BCAS3: variants seen among roughly 807,000 people sequenced by gnomAD.
The protein encoded by BCAS3 is BCAS4/BCAS3 fusion.
BCAS3 carries 53 observed loss-of-function variants against 116.1 expected under a neutral mutation model. The ratio of observed to expected loss-of-function variants is 0.46; its 90% CI spans 0.37 to 0.57. BCAS3 has a LOEUF of 0.57. Among genes scored for constraint, BCAS3 ranks in the 20% least tolerant of loss-of-function variants. The pLI, the probability that BCAS3 is intolerant of heterozygous loss-of-function variation, is 0.00. For synonymous variants in BCAS3, 391 were observed against 408.2 expected (o/e 0.96, Z 0.51); for missense variants, 917 against 1,165.4 (o/e 0.79, Z 3.10).
intron 7 of BCAS3, among the ~76,000 whole-genome samples, chr17:60,820,500 T>C (rs2049862861): frequency 6.6e-6 from 1 of 152,262 alleles, no homozygotes; most frequent in East Asian, 1.9e-4. Context: ...GAGAATGCAG[T>C]GTGTATTTGG....
chr17:60,921,421 G>A (rs554040614), intron 12 of BCAS3, among the ~76,000 whole-genome samples: 2 of 151,948 alleles, frequency 1.3e-5, no homozygotes, highest in African/African-American at 2.4e-5. Flanking sequence ...AGACCATCCC[G>A]GCTAAAACGG....
At chr17:61,107,776 C>T (rs562468134) in intron 22 of BCAS3, among the ~76,000 whole-genome samples, 1 of 152,246 alleles carries the variant, frequency 6.6e-6, no homozygotes, top group Admixed American at 6.5e-5. Context: ...AACATTTTGG[C>T]TGTTTCCAGG....
intron 22 of BCAS3, among the ~76,000 whole-genome samples, chr17:61,100,085 A>G (rs570236649): frequency 6.6e-6 from 1 of 152,344 alleles, no homozygotes; most frequent in South Asian, 2.1e-4. Context: ...GAAAGGCAAC[A>G]GTTATTATAT....
In BCAS3 at chr17:61,015,749, A is replaced by G; in HGVS notation, c.1487-2A>G. 6.2e-7 allele frequency: 1 copy of G among 1,613,740 alleles called. No individual in the cohort carries two copies. Among genetic ancestry groups the G allele is most frequent in the Non-Finnish European group, 8.5e-7 (1 of 1,179,776 alleles). On this transcript the variant is annotated splice_acceptor_variant, in intron 15 of 23. Coordinates refer to ENST00000407086, the MANE Select transcript of BCAS3 (RefSeq NM_017679.5). LOFTEE classifies it high-confidence loss of function. ...TGCTTTTCTTTATTTTTCTCTTTGT[A>G]GGGAAACTGAACAGCCAAGACTCCT...
At chr17:61,190,382 C>T (rs1399541914) in intron 22 of BCAS3, among the ~76,000 whole-genome samples, 1 of 151,650 alleles carries the variant, frequency 6.6e-6, no homozygotes, top group Non-Finnish European at 1.5e-5. Flanking sequence ...AAACAATTAG[C>T]TGGGCGCAGT....
chr17:61,020,733 T>C lies in BCAS3; in HGVS notation c.1637+4832T>C, dbSNP rs1358279484. Among the ~76,000 whole-genome samples, 1 of 152,176 alleles carries C rather than the reference T, an allele frequency of 6.6e-6. No homozygotes were observed. The highest frequency in any genetic ancestry group is 1.5e-5 in the Non-Finnish European group (1 of 68,026). On this transcript the variant is annotated intron_variant, in intron 16 of 23. Coordinates refer to ENST00000407086, the MANE Select transcript of BCAS3 (RefSeq NM_017679.5). This position sits in a 1 kb window ranked among gnomAD's most constrained non-coding sequence, Gnocchi z 4.5. ...TGAGTGATCAAGTTTTAAAAAATAT[T>C]TTCTATGTAACAATTCACAAAAAAA... is the stretch of plus-strand genomic sequence containing the variant.
chr17:60,703,844 G>C (rs2036748402), intron 4 of BCAS3, among the ~76,000 whole-genome samples: 1 of 151,450 alleles, frequency 6.6e-6, no homozygotes, highest in South Asian at 2.1e-4. Flanking sequence ...AACCCGAGAG[G>C]CGGAGCTTGT....
rs78859741 is a variant in BCAS3, at chr17:61,251,616, G to C, written c.2426-116711G>C. On this transcript the variant is annotated intron_variant, in intron 22 of 23. Transcript: ENST00000407086. This position sits in a 1 kb window ranked among gnomAD's most constrained non-coding sequence, Gnocchi z 4.7. Reference sequence around the variant, plus strand: ...AAAGACTGGATCCTGGTCCATCCAAGATGCTGCCCTTGAGACCTCTGGGTT... The same window carrying C: ...AAAGACTGGATCCTGGTCCATCCAACATGCTGCCCTTGAGACCTCTGGGTT... Among the ~76,000 whole-genome samples, 5,510 of 151,732 alleles carry C rather than the reference G, an allele frequency of 0.036. 319 individuals carry two copies. The highest frequency in any genetic ancestry group is 0.12 in the African/African-American group (5,168 of 41,346).
Position 61,037,838 on chromosome 17 carries a change from T to A in BCAS3, c.1763-51T>A, listed in dbSNP as rs754842072. ...TCATTAACTTGTAAAAATTATTCTG[T>A]GCTCCATTTATGCCATCATAACACA... On this transcript the variant is annotated intron_variant, in intron 17 of 23. Transcript: ENST00000407086. The surrounding 1 kb of genome is among the most constrained non-coding windows in gnomAD (Gnocchi z 4.7). 6.6e-7 allele frequency: 1 copy of A among 1,513,480 alleles called. No homozygotes were observed. The highest frequency in any genetic ancestry group is 1.8e-5 in the Admixed American group (1 of 56,662). 93.8% of individuals were successfully genotyped at this position (1,513,480 alleles called of 1,614,324 possible).
chr17:60,756,657 C>A (rs1042966057), intron 6 of BCAS3, among the ~76,000 whole-genome samples: 1 of 152,070 alleles, frequency 6.6e-6, no homozygotes, highest in Non-Finnish European at 1.5e-5. Context: ...ACCACATTTT[C>A]TTTATTTATT....
At chr17:60,683,184 C>T (rs2143807368) in intron 2 of BCAS3, among the ~76,000 whole-genome samples, 1 of 152,176 alleles carries the variant, frequency 6.6e-6, no homozygotes, top group South Asian at 2.1e-4. Flanking sequence ...GTAGACTGAC[C>T]TGCTATATAC....
In BCAS3 at chr17:60,863,425, T is replaced by A. The variant is rs561315189; in HGVS notation, c.477-5151T>A. Among the ~76,000 whole-genome samples the A allele has an allele frequency of 3.3e-5, 5 of 152,182 alleles. No individual in the cohort carries two copies. The East Asian group carries it at 9.7e-4, about 29-fold the overall frequency. On this transcript the variant is annotated intron_variant, in intron 7 of 23. Transcript: ENST00000407086. ...AAATTCCATAATAAAGCAAGTCCCGTTAATTTTTTGGTTTCCCAGTGCATA... is the reference window on the plus strand; with the variant it reads ...AAATTCCATAATAAAGCAAGTCCCGATAATTTTTTGGTTTCCCAGTGCATA...
chr17:61,294,392 T>C (rs2052705605), intron 22 of BCAS3, among the ~76,000 whole-genome samples: 1 of 152,160 alleles, frequency 6.6e-6, no homozygotes, highest in East Asian at 1.9e-4. Flanking sequence ...TCTTTAAACA[T>C]TTGATTTGAT....
intron 22 of BCAS3, among the ~76,000 whole-genome samples, chr17:61,242,047 C>T (rs1366982037): frequency 1.3e-5 from 2 of 152,076 alleles, no homozygotes; most frequent in African/African-American, 4.8e-5. Context: ...GAGGCCGAGG[C>T]GGGCAGATCA....
At chr17:60,678,648 T>G (rs2032429836) in intron 1 of BCAS3, among the ~76,000 whole-genome samples, 3 of 152,158 alleles carry the variant, frequency 2.0e-5, no homozygotes, top group Admixed American at 6.5e-5. Context: ...CTTGACTTAT[T>G]TGTTATAGTA....
rs1024463929 is a variant in BCAS3, at chr17:61,241,438, G to A, written c.2426-126889G>A. 3.3e-5 allele frequency among the ~76,000 whole-genome samples: 5 copies of A among 151,982 alleles called. No individual in the cohort carries two copies. Among genetic ancestry groups the A allele is most frequent in the East Asian group, 1.9e-4 (1 of 5,186 alleles). On this transcript the variant is annotated intron_variant, in intron 22 of 23. Transcript: ENST00000407086. This position sits in a 1 kb window ranked among gnomAD's most constrained non-coding sequence, Gnocchi z 4.6. ...TAATAAAATAATAGTTTGGGCCTGC[G>A]CAGTGGCTCACCCCTGTAATCCCAA... is the stretch of plus-strand genomic sequence containing the variant.
At chr17:61,000,189 T>C (rs2064141540) in intron 15 of BCAS3, among the ~76,000 whole-genome samples, 1 of 152,146 alleles carries the variant, frequency 6.6e-6, no homozygotes, top group African/African-American at 2.4e-5. Flanking sequence ...GTGGTGAGAG[T>C]AGACATCTTT....
chr17:60,903,795 G>A (rs9897803), intron 11 of BCAS3, among the ~76,000 whole-genome samples: 31,716 of 152,072 alleles, frequency 0.21, 4,107 homozygotes, highest in African/African-American at 0.37. Flanking sequence ...AATTATGATG[G>A]TTATTTCAAT....
In BCAS3 at chr17:61,065,351, A is replaced by G. The variant is rs113075180; in HGVS notation, c.2030-9569A>G. Among the ~76,000 whole-genome samples the G allele has an allele frequency of 0.041, 6,260 of 152,192 alleles. 460 individuals carry two copies. The highest frequency in any genetic ancestry group is 0.14 in the African/African-American group (5,888 of 41,484). On this transcript the variant is annotated intron_variant, in intron 19 of 23. Coordinates refer to ENST00000407086, the MANE Select transcript of BCAS3 (RefSeq NM_017679.5). This position sits in a 1 kb window ranked among gnomAD's most constrained non-coding sequence, Gnocchi z 4.8. ...TTCCCAAGCAGAATTTCATCCTTAT[A>G]TCCTGAGTGCTTTCTGATCAGAAAC...
Sources: allele counts gnomAD v4.1 joint callset (sites outside exome capture counted in the v4.1 genomes callset), GRCh38; gene constraint gnomAD v4.1.1; non-coding constraint Gnocchi (gnomAD v3.1); transcripts MANE v1.5; gene names NCBI Gene and HGNC (gene_info 2026-07-23, HGNC 2026-07-21).